Variants in DMD observed in about 807,000 individuals in gnomAD.
DMD encodes the protein mutant dystrophin.
In DMD, 63 loss-of-function variants were observed where a neutral mutation model predicts 330.1. That is an observed-to-expected ratio of 0.19 (90% CI 0.16 to 0.24). DMD has a LOEUF of 0.24. Ranked by LOEUF, DMD falls within the 10% of genes least tolerant of loss-of-function variation. The pLI is 1.00. For synonymous variants in DMD, 1,223 were observed against 959.8 expected (o/e 1.27, Z -5.07); for missense variants, 3,344 against 2,684.1 (o/e 1.25, Z -5.43).
intron 44 of DMD, among the ~76,000 whole-genome samples, chrX:32,182,623 TTAA>T (rs950868309): frequency 3.1e-4 from 35 of 111,697 alleles, no homozygotes; most frequent in African/African-American, 9.4e-4. Flanking sequence ...TTAAATTGTA[TTAA>T]TAAGATTTTT....
At chrX:33,228,231 A>C (rs902528269) in intron 1 of DMD, among the ~76,000 whole-genome samples, 4 of 109,443 alleles carry the variant, frequency 3.7e-5, no homozygotes, top group Non-Finnish European at 7.6e-5. Flanking sequence ...ATTGAGAAGT[A>C]TGATGTTATT....
intron 55 of DMD, among the ~76,000 whole-genome samples, chrX:31,517,661 A>G (rs1211192429): frequency 2.7e-5 from 3 of 110,760 alleles, no homozygotes; most frequent in African/African-American, 9.9e-5. Context: ...AGGCAGTCCC[A>G]GCCATACAGG....
chrX:31,422,038 TATATA>T (rs1468613278), intron 60 of DMD, among the ~76,000 whole-genome samples: 7 of 7,193 alleles, frequency 9.7e-4, no homozygotes, highest in African/African-American at 1.3e-3. Flanking sequence ...CATATATATA[TATATA>T]TTTTTTTTTT....
intron 2 of DMD, among the ~76,000 whole-genome samples, chrX:32,996,684 G>A (rs1160114811): frequency 1.8e-5 from 2 of 110,962 alleles, no homozygotes; most frequent in African/African-American, 6.6e-5. Context: ...AGGCATGGTG[G>A]CACACACCTG....
At chrX:32,708,709 C>G (rs1432505848) in intron 7 of DMD, among the ~76,000 whole-genome samples, 1 of 111,104 alleles carries the variant, frequency 9.0e-6, no homozygotes. Context: ...TTCCTAATTC[C>G]TAAGGAAGAA....
At chrX:31,473,449 C>T (rs774420527) in intron 59 of DMD, among the ~76,000 whole-genome samples, 35 of 108,688 alleles carry the variant, frequency 3.2e-4, no homozygotes, top group South Asian at 2.8e-3. Context: ...TGGCCGGGAG[C>T]GGTGGCTCAC....
chrX:32,080,409 T>G (rs1383547228), intron 44 of DMD, among the ~76,000 whole-genome samples: 2 of 112,382 alleles, frequency 1.8e-5, no homozygotes, highest in Non-Finnish European at 1.9e-5. Flanking sequence ...AACTGCATAT[T>G]AAAAACAGCT....
intron 2 of DMD, among the ~76,000 whole-genome samples, chrX:32,921,043 C>CCTTCATTACTGTTTGGAACTTCTCT (rs1194315459): frequency 5.4e-5 from 6 of 111,842 alleles, no homozygotes; most frequent in African/African-American, 1.9e-4. Flanking sequence ...GGAATAGAGG[C>CCTTCATTACTGTTTGGAACTTCTCT]CTTCATTACT....
intron 43 of DMD, among the ~76,000 whole-genome samples, chrX:32,280,144 G>GTATATATATATATATATACAGTATA (rs201952466): frequency 6.5e-5 from 3 of 46,159 alleles, no homozygotes; most frequent in South Asian, 2.7e-3. Flanking sequence ...TATATATACA[G>GTATATATATATATATATACAGTATA]TATATATATA....
At chrX:31,952,320 T>A (rs754889267) in intron 45 of DMD, among the ~76,000 whole-genome samples, 39 of 111,580 alleles carry the variant, frequency 3.5e-4, no homozygotes, top group African/African-American at 1.1e-3. Flanking sequence ...TTTCTGGAAC[T>A]CTTGTAACAT....
At chrX:32,759,552 T>TC (rs889955074) in intron 7 of DMD, among the ~76,000 whole-genome samples, 6 of 111,362 alleles carry the variant, frequency 5.4e-5, no homozygotes, top group African/African-American at 2.0e-4. Flanking sequence ...TTGCTTGTTC[T>TC]CTTAATGCCT....
At chrX:31,733,348 A>G (rs1204840767) in intron 51 of DMD, among the ~76,000 whole-genome samples, 1 of 111,600 alleles carries the variant, frequency 9.0e-6, no homozygotes, top group African/African-American at 3.2e-5. Flanking sequence ...AATAATACTC[A>G]AATAAAAACT....
intron 7 of DMD, among the ~76,000 whole-genome samples, chrX:32,699,501 T>G (rs1224534010): frequency 2.7e-5 from 3 of 112,038 alleles, no homozygotes; most frequent in Non-Finnish European, 5.7e-5. Flanking sequence ...GCAGTAAAGT[T>G]AATTTATTTT....
At chrX:31,227,863 T>C (rs762516191) in intron 63 of DMD, among the ~76,000 whole-genome samples, 6 of 110,319 alleles carry the variant, frequency 5.4e-5, no homozygotes, top group South Asian at 4.0e-4. Context: ...AACCCAAATG[T>C]CCAACAATGA....
chrX:32,598,051 G>A (rs907883829), intron 12 of DMD, among the ~76,000 whole-genome samples: 1 of 111,867 alleles, frequency 8.9e-6, no homozygotes, highest in Non-Finnish European at 1.9e-5. Context: ...GAACTTATTA[G>A]GATGGCTGAA....
chrX:32,566,318 G>A (rs1284153248), intron 15 of DMD, among the ~76,000 whole-genome samples: 1 of 112,010 alleles, frequency 8.9e-6, no homozygotes, highest in Non-Finnish European at 1.9e-5. Flanking sequence ...CTAGTGAGCT[G>A]AGAAAATGAG....
intron 55 of DMD, among the ~76,000 whole-genome samples, chrX:31,540,995 T>C (rs760448775): frequency 8.9e-6 from 1 of 111,816 alleles, no homozygotes; most frequent in East Asian, 2.8e-4. Context: ...TGGAGAACTA[T>C]TGATTCTGAC....
chrX:31,441,616 T>C (rs1349633179), intron 60 of DMD, among the ~76,000 whole-genome samples: 2 of 97,588 alleles, frequency 2.0e-5, no homozygotes, highest in Non-Finnish European at 3.9e-5. Flanking sequence ...TTTATTTTCA[T>C]AGAAATATGT....
chrX:31,585,096 C>A lies in DMD; in HGVS notation c.8217+42577G>T, dbSNP rs772770562. 2.7e-5 allele frequency among the ~76,000 whole-genome samples: 3 copies of A among 109,784 alleles called. No individual in the cohort carries two copies. The Admixed American group carries it at 2.9e-4, about 11-fold the overall frequency. ...CAGCACTTTGGGAGGCTGAGGTGGG[C>A]AGATCACTTGAGCCTAGGAGATTGA... On this transcript the variant is annotated intron_variant, in intron 55 of 78. Coordinates refer to ENST00000357033, the MANE Select transcript of DMD (RefSeq NM_004006.3).
Sources: allele counts gnomAD v4.1 joint callset (sites outside exome capture counted in the v4.1 genomes callset), GRCh38; gene constraint gnomAD v4.1.1; transcripts MANE v1.5; gene names NCBI Gene and HGNC (gene_info 2026-07-23, HGNC 2026-07-21).